The following ELF2 variants were observed in gnomAD, a reference collection of about 807,000 sequenced individuals.
ELF2 encodes ETS-related transcription factor Elf-2.
Under a neutral mutation model 54.8 loss-of-function variants are expected in ELF2, and 11 were observed. The observed-to-expected ratio is 0.20, with a 90% confidence interval of 0.13 to 0.33. ELF2 has a LOEUF of 0.33. Among genes scored for constraint, ELF2 ranks in the 10% least tolerant of loss-of-function variants. The pLI is 1.00. For missense variants in ELF2, 513 were observed against 703.0 expected (o/e 0.73, Z 3.06); for synonymous variants, 203 against 245.1 (o/e 0.83, Z 1.61).
In ELF2 at chr4:139,072,024, G is replaced by A. The variant is rs1276209711; in HGVS notation, c.368C>T (p.Pro123Leu). 2 of 1,608,534 alleles carry A rather than the reference G, an allele frequency of 1.2e-6. No homozygotes were observed. Among genetic ancestry groups the A allele is most frequent in the Non-Finnish European group, 1.7e-6 (2 of 1,178,788 alleles). The change falls in exon 6 of 10, where the codon CCT becomes CTT. Residue 123 changes from proline to leucine, a missense_variant. Pro to Leu is a moderately conservative substitution (Grantham distance 98). Around this residue, in one of 3 missense-constraint regions of ELF2, gnomAD observed 203 missense variants for 245.9 expected, o/e 0.83. Coordinates refer to ENST00000686138, the MANE Select transcript of ELF2 (RefSeq NM_001331036.3). Reference protein sequence around the residue: ...DSRSPVEVFVPPCVSTPEFIH... With the variant: ...DSRSPVEVFVLPCVSTPEFIH... ...GAATTCTGGAGTTGATACACAAGGAGGAACAAACACTTCCACTATAAAAAA... is the reference window on the plus strand; with the variant it reads ...GAATTCTGGAGTTGATACACAAGGAAGAACAAACACTTCCACTATAAAAAA...
chr4:139,151,145 G>A (rs553542352), intron 1 of ELF2, among the ~76,000 whole-genome samples: 1 of 151,642 alleles, frequency 6.6e-6, no homozygotes, highest in Admixed American at 6.6e-5. Flanking sequence ...AGCCATACAA[G>A]ATTTAAAATT....
At chr4:139,093,672 T>C (rs1172055016) in intron 4 of ELF2, among the ~76,000 whole-genome samples, 1 of 152,070 alleles carries the variant, frequency 6.6e-6, no homozygotes, top group East Asian at 1.9e-4. Context: ...AAATGACTTA[T>C]CAAATGCCAA....
intron 1 of ELF2, among the ~76,000 whole-genome samples, chr4:139,165,568 C>T (rs945685289): frequency 6.6e-6 from 1 of 152,124 alleles, no homozygotes; most frequent in South Asian, 2.1e-4. Context: ...GAGGCTGAGG[C>T]AGGAGAACCA....
intron 4 of ELF2, among the ~76,000 whole-genome samples, chr4:139,073,890 G>A (rs1361154142): frequency 6.6e-6 from 1 of 152,068 alleles, no homozygotes; most frequent in Non-Finnish European, 1.5e-5. Context: ...CAGCACTCTG[G>A]GAGGCCAAGG....
In ELF2 at chr4:139,102,898, T is replaced by TC. The variant is rs1250883238; in HGVS notation, c.238+22265dup. ...TCGGAGACATAAATGTTTTTTTTTTTCCCCCCTGAGACAGGGTCTCGCTCT... is the reference window on the plus strand; with the variant it reads ...TCGGAGACATAAATGTTTTTTTTTTTCCCCCCCTGAGACAGGGTCTCGCTCT... On this transcript the variant is annotated intron_variant, in intron 4 of 9. Transcript: ENST00000686138. 7.9e-4 allele frequency among the ~76,000 whole-genome samples: 120 copies of TC among 151,196 alleles called. 1 individual carries two copies. Among genetic ancestry groups the TC allele is most frequent in the South Asian group, 1.9e-3 (9 of 4,778 alleles).
chr4:139,070,032 AG>A (rs1729291044), intron 6 of ELF2, among the ~76,000 whole-genome samples: 2 of 149,862 alleles, frequency 1.3e-5, no homozygotes, highest in Admixed American at 1.3e-4. Flanking sequence ...CCTCGAGATG[AG>A]GTCTCACTAT....
Position 139,114,555 on chromosome 4 carries a change from T to TCAGTCTC in ELF2, c.238+10602_238+10608dup, listed in dbSNP as rs141109625. Among the ~76,000 whole-genome samples, 831 of 114,900 alleles carry TCAGTCTC rather than the reference T, an allele frequency of 7.2e-3. 48 individuals are homozygous for TCAGTCTC. Among genetic ancestry groups the TCAGTCTC allele is most frequent in the East Asian group, 0.015 (54 of 3,552 alleles). 75.4% of individuals were successfully genotyped at this position (114,900 alleles called of 152,430 possible). On this transcript the variant is annotated intron_variant, in intron 4 of 9. Transcript: ENST00000686138. ...TCCAGCCTGGCAACAGAGCGAGACT[T>TCAGTCTC]CAGTCTCACACACACACACACACAC...
intron 4 of ELF2, among the ~76,000 whole-genome samples, chr4:139,099,480 A>G (rs1317446030): frequency 6.6e-6 from 1 of 152,192 alleles, no homozygotes; most frequent in African/African-American, 2.4e-5. Flanking sequence ...AAAACTTCCT[A>G]AATACATGAA....
chr4:139,089,474 A>G (rs1042110441), intron 4 of ELF2, among the ~76,000 whole-genome samples: 2 of 152,246 alleles, frequency 1.3e-5, no homozygotes, highest in Non-Finnish European at 2.9e-5. Context: ...AGAAACTGCT[A>G]TCATGAGTTT....
intron 5 of ELF2, 52 bp downstream of exon 5, chr4:139,073,402 G>T: frequency 7.6e-7 from 1 of 1,316,288 alleles, no homozygotes. Flanking sequence ...CTTTATTTTA[G>T]ACATATGAAG....
intron 1 of ELF2, among the ~76,000 whole-genome samples, chr4:139,158,044 G>A (rs1740724177): frequency 6.6e-6 from 1 of 152,196 alleles, no homozygotes; most frequent in Non-Finnish European, 1.5e-5. Flanking sequence ...ATTTCACCTG[G>A]GTGCAGGCGG....
Position 139,084,438 on chromosome 4 carries a change from GGGCGGC to G in ELF2, c.239-10877_239-10872del, listed in dbSNP as rs34769754. On this transcript the variant is annotated intron_variant, in intron 4 of 9. Transcript: ENST00000686138. ...GCAGGGGCAGGGGCGGCAGGGGCAG[GGGCGGC>G]GGCGGCGGCGGCGGCGGCTGTGGCT... 390 of 1,118,224 alleles carry G rather than the reference GGGCGGC, an allele frequency of 3.5e-4. 1 individual carries two copies. Among genetic ancestry groups the G allele is most frequent in the East Asian group, 1.4e-3 (32 of 22,266 alleles). The allele number at this position is 1,118,224 out of a possible 1,614,324, so 69.3% of individuals were successfully genotyped here.
At chr4:139,091,206 A>G (rs928808636) in intron 4 of ELF2, among the ~76,000 whole-genome samples, 26 of 152,324 alleles carry the variant, frequency 1.7e-4, no homozygotes, top group African/African-American at 6.0e-4. Flanking sequence ...TTGGGATTAA[A>G]GGCGTGAGCC....
intron 1 of ELF2, among the ~76,000 whole-genome samples, chr4:139,159,723 G>A (rs1355581296): frequency 2.0e-5 from 3 of 152,154 alleles, no homozygotes; most frequent in Admixed American, 6.6e-5. Flanking sequence ...TGACCTGAGC[G>A]ATGAGATCTG....
chr4:139,153,238 C>T (rs1407806618), intron 1 of ELF2, among the ~76,000 whole-genome samples: 1 of 151,980 alleles, frequency 6.6e-6, no homozygotes, highest in Non-Finnish European at 1.5e-5. Flanking sequence ...AATTCAAGGC[C>T]AGCGTGGGCA....
chr4:139,083,268 T>C (rs547166453), intron 4 of ELF2, among the ~76,000 whole-genome samples: 1 of 152,156 alleles, frequency 6.6e-6, no homozygotes, highest in African/African-American at 2.4e-5. Context: ...CTCCTTAACA[T>C]TCACCCACTG....
At chr4:139,084,444 CGGCGGCGGCGGCGGCGGCTGTGGCTGT>C (rs1212523747) in intron 4 of ELF2, 8 of 1,146,232 alleles carry the variant, frequency 7.0e-6, no homozygotes, top group African/African-American at 3.3e-5. Context: ...GCAGGGGCGG[CGGCGGCGGCGGCGGCGGCTGTGGCTGT>C]GGCGGCCGCC....
intron 7 of ELF2, 157 bp from the exon 8 acceptor site, chr4:139,062,214 A>G: frequency 1.4e-6 from 1 of 711,864 alleles, no homozygotes; most frequent in Non-Finnish European, 2.2e-6. Flanking sequence ...TCTGTCGCCC[A>G]GGCTGGAGTG....
intron 3 of ELF2, among the ~76,000 whole-genome samples, chr4:139,125,779 C>CAA (rs367767700): frequency 2.7e-4 from 26 of 96,482 alleles, no homozygotes; most frequent in African/African-American, 5.5e-4. Context: ...AGTCTGGCAG[C>CAA]AAAAAAAAAA....
Sources: allele counts gnomAD v4.1 joint callset (sites outside exome capture counted in the v4.1 genomes callset), GRCh38; gene constraint gnomAD v4.1.1; regional missense constraint gnomAD v4.1.1; transcripts MANE v1.5; gene names NCBI Gene and HGNC (gene_info 2026-07-23, HGNC 2026-07-21).